The following CNTNAP5 variants were observed in gnomAD, a reference collection of about 807,000 sequenced individuals.
CNTNAP5 encodes contactin-associated protein-like 5.
In CNTNAP5, 72 loss-of-function variants were observed where a neutral mutation model predicts 150.2. The observed-to-expected ratio is 0.48, with a 90% CI of 0.40 to 0.58. The LOEUF (loss-of-function observed/expected upper bound fraction) is 0.58. CNTNAP5 is among the 20% of genes least tolerant of loss of function. CNTNAP5 has a pLI of 0.00. For missense variants in CNTNAP5, 1,636 were observed against 1,626.2 expected (o/e 1.01, Z -0.10); for synonymous variants, 672 against 619.8 (o/e 1.08, Z -1.25).
intron 1 of CNTNAP5, among the ~76,000 whole-genome samples, chr2:124,058,422 G>A (rs906090328): frequency 9.9e-5 from 15 of 152,110 alleles, no homozygotes; most frequent in African/African-American, 3.1e-4. Context: ...TATCACACTT[G>A]TTTATCCTTC....
intron 11 of CNTNAP5, among the ~76,000 whole-genome samples, chr2:124,575,641 T>G (rs576530192): frequency 6.6e-6 from 1 of 152,364 alleles, no homozygotes; most frequent in South Asian, 2.1e-4. Context: ...TCTGCTCTAG[T>G]ATCACCTCCA....
At chr2:124,129,631 G>A (rs943087305) in intron 1 of CNTNAP5, among the ~76,000 whole-genome samples, 2 of 152,106 alleles carry the variant, frequency 1.3e-5, no homozygotes, top group Non-Finnish European at 2.9e-5. Context: ...TGTTAAAGAT[G>A]GTATTAAATA....
intron 14 of CNTNAP5, among the ~76,000 whole-genome samples, chr2:124,748,434 GT>G (rs1343750984): frequency 6.6e-6 from 1 of 152,112 alleles, no homozygotes; most frequent in East Asian, 1.9e-4. Flanking sequence ...TGAACTGCTA[GT>G]TTTTTACTGT....
intron 3 of CNTNAP5, among the ~76,000 whole-genome samples, chr2:124,376,464 G>A (rs1382275244): frequency 3.3e-5 from 5 of 152,024 alleles, no homozygotes; most frequent in Admixed American, 6.6e-5. Flanking sequence ...CTGAGATCAC[G>A]GAACTGAGAT....
intron 12 of CNTNAP5, among the ~76,000 whole-genome samples, chr2:124,633,536 T>C (rs1409656123): frequency 6.6e-6 from 1 of 152,206 alleles, no homozygotes; most frequent in Admixed American, 6.5e-5. Context: ...ACAGCCTCTG[T>C]GGCTGCTTTC....
chr2:124,634,527 G>A (rs1431036079), intron 12 of CNTNAP5, among the ~76,000 whole-genome samples: 1 of 152,040 alleles, frequency 6.6e-6, no homozygotes, highest in Non-Finnish European at 1.5e-5. Flanking sequence ...TTTTTTAAAT[G>A]AGGCACGGTA....
intron 13 of CNTNAP5, among the ~76,000 whole-genome samples, chr2:124,675,006 C>T (rs1283051752): frequency 2.6e-5 from 4 of 151,944 alleles, no homozygotes; most frequent in Non-Finnish European, 2.9e-5. Context: ...GTTCTATGTT[C>T]TTGATCTTCT....
chr2:124,249,880 G>C (rs1451408053), intron 3 of CNTNAP5, among the ~76,000 whole-genome samples: 1 of 152,038 alleles, frequency 6.6e-6, no homozygotes, highest in East Asian at 1.9e-4. Flanking sequence ...AATGATGCTA[G>C]CTAGGTGTAA....
intron 8 of CNTNAP5, among the ~76,000 whole-genome samples, chr2:124,513,561 A>G (rs905382133): frequency 6.6e-6 from 1 of 152,226 alleles, no homozygotes; most frequent in Non-Finnish European, 1.5e-5. Flanking sequence ...CACGTCTTCC[A>G]TAACTATTTG....
chr2:124,561,540 T>C lies in CNTNAP5; in HGVS notation c.1650-1677T>C, dbSNP rs150461185. Among the ~76,000 whole-genome samples the C allele has an allele frequency of 4.1e-4, 62 of 152,324 alleles. 2 individuals are homozygous for C. In the East Asian group the frequency reaches 0.011, roughly 27 times the overall value. On this transcript the variant is annotated intron_variant, in intron 10 of 23. Transcript: ENST00000682447. ...GAGAGAGGACCACTTTTTTGTTTGT[T>C]TGTTTGTTTGGTTGTTTTGTGTGAA... is the stretch of plus-strand genomic sequence containing the variant.
intron 8 of CNTNAP5, among the ~76,000 whole-genome samples, 188 bp from the exon 9 acceptor site, chr2:124,524,115 A>C (rs947713976): frequency 6.6e-6 from 1 of 152,216 alleles, no homozygotes; most frequent in Non-Finnish European, 1.5e-5. Context: ...AAAAGAGATT[A>C]GAATGAAGTG....
At chr2:124,429,156 TA>T (rs1169829441) in intron 4 of CNTNAP5, among the ~76,000 whole-genome samples, 1 of 152,234 alleles carries the variant, frequency 6.6e-6, no homozygotes, top group African/African-American at 2.4e-5. Flanking sequence ...CAGCAACCTA[TA>T]ACCATGTGGG....
intron 3 of CNTNAP5, among the ~76,000 whole-genome samples, chr2:124,361,702 C>T (rs1690204313): frequency 6.7e-6 from 1 of 149,472 alleles, no homozygotes. Context: ...AGAACCACTG[C>T]TCTCTTCAAA....
intron 1 of CNTNAP5, among the ~76,000 whole-genome samples, chr2:124,042,329 C>T (rs555539619): frequency 1.3e-5 from 2 of 152,260 alleles, no homozygotes; most frequent in Non-Finnish European, 2.9e-5. Flanking sequence ...TGATGATACC[C>T]TCCCCAACTA....
At chr2:124,857,969 G>A (rs1677418055) in intron 19 of CNTNAP5, among the ~76,000 whole-genome samples, 1 of 152,162 alleles carries the variant, frequency 6.6e-6, no homozygotes, top group Non-Finnish European at 1.5e-5. Flanking sequence ...TCCTGTTCCA[G>A]AGAAATTATT....
At chr2:124,165,889 G>A (rs1684802371) in intron 1 of CNTNAP5, among the ~76,000 whole-genome samples, 1 of 152,138 alleles carries the variant, frequency 6.6e-6, no homozygotes, top group Non-Finnish European at 1.5e-5. Flanking sequence ...GCGGCGCAGT[G>A]ACCGGCTCTC....
chr2:124,565,925 G>A lies in CNTNAP5; in HGVS notation c.1756+2602G>A, dbSNP rs551408434. On this transcript the variant is annotated intron_variant, in intron 11 of 23. Transcript: ENST00000682447. ...TTACCTAGTTCTTCTATGTGAATAC[G>A]TATAAGATTTTATCAATTGAGGGAT... is the stretch of plus-strand genomic sequence containing the variant. Among the ~76,000 whole-genome samples, 29 of 148,898 alleles carry A rather than the reference G, an allele frequency of 1.9e-4. No individual in the cohort carries two copies. In the East Asian group the frequency reaches 3.1e-3, roughly 16 times the overall value.
At chr2:124,201,973 C>G (rs1685739211) in intron 1 of CNTNAP5, among the ~76,000 whole-genome samples, 1 of 152,056 alleles carries the variant, frequency 6.6e-6, no homozygotes, top group Non-Finnish European at 1.5e-5. Context: ...GCCCCTAAGA[C>G]AGTGTTTGCG....
chr2:124,803,227 C>A (rs1460397767), intron 19 of CNTNAP5, among the ~76,000 whole-genome samples: 1 of 152,020 alleles, frequency 6.6e-6, no homozygotes, highest in Non-Finnish European at 1.5e-5. Flanking sequence ...ATGATCAATT[C>A]TCTCTGGGAG....
Sources: gnomAD v4.1 joint callset for allele counts (sites outside exome capture counted in the v4.1 genomes callset) on GRCh38, gnomAD v4.1.1 for gene constraint, MANE v1.5 for transcripts, NCBI Gene and HGNC (gene_info 2026-07-23, HGNC 2026-07-21) for gene names.